Variants in TERB1 observed in about 807,000 individuals in gnomAD.
TERB1 encodes telomere repeats-binding bouquet formation protein 1.
TERB1 carries 63 observed loss-of-function variants against 92.3 expected under a neutral mutation model. The ratio of observed to expected loss-of-function variants is 0.68; its 90% CI spans 0.56 to 0.84. TERB1 has a LOEUF of 0.84. TERB1 is among the 40% of genes least tolerant of loss of function. TERB1 has a pLI of 0.00. For synonymous variants in TERB1, 252 were observed against 283.9 expected, an observed-to-expected ratio of 0.89 and a Z score of 1.13; for missense variants, 709 against 843.7, an observed-to-expected ratio of 0.84 and a Z score of 1.98.
intron 12 of TERB1, among the ~76,000 whole-genome samples, chr16:66,773,248 C>A (rs1350436228): frequency 6.6e-6 from 1 of 152,044 alleles, no homozygotes; most frequent in Non-Finnish European, 1.5e-5. Flanking sequence ...GCACAAGAAT[C>A]CCTCAAACCC....
chr16:66,790,567 T>C, intron 5 of TERB1, 28 bp downstream of exon 5: 4 of 1,468,076 alleles, frequency 2.7e-6, no homozygotes, highest in Non-Finnish European at 3.7e-6. Context: ...ATGCTTAAAG[T>C]ATAATGAAAT....
rs1408386899 is a variant in TERB1 at position 66,788,300 on chromosome 16, GAAATATA to G, written c.272-10_272-4del. ...ACACAAAGTCTGCTGACAGTAAACT[GAAATATA>G]AAATATAATTTTAATTTCAATGCAT... On this transcript the variant is annotated splice_polypyrimidine_tract_variant and splice_region_variant and intron_variant, in intron 5 of 18. Transcript: ENST00000433154. 1.4e-5 allele frequency: 21 copies of G among 1,473,130 alleles called. No individual in the cohort carries two copies. The highest frequency in any genetic ancestry group is 1.8e-5 in the Non-Finnish European group (20 of 1,117,646). The allele number at this position is 1,473,130 out of a possible 1,614,324, so 91.3% of individuals were successfully genotyped here.
Position 66,756,371 on chromosome 16 carries a change from T to C in TERB1, c.1997-1208A>G, listed in dbSNP as rs572666606. ...ATCAGTGTAAATGTCTGATTATTAC[T>C]TAATAGTATTATTTAGAATGTAAGC... On this transcript the variant is annotated intron_variant, in intron 18 of 18. Coordinates refer to ENST00000433154, the MANE Select transcript of TERB1 (RefSeq NM_001136505.2). 5.9e-5 allele frequency among the ~76,000 whole-genome samples: 9 copies of C among 152,350 alleles called. No homozygotes were observed. The South Asian group carries it at 1.9e-3, about 32-fold the overall frequency.
intron 9 of TERB1, among the ~76,000 whole-genome samples, chr16:66,781,198 G>A (rs1376900333): frequency 6.6e-6 from 1 of 152,014 alleles, no homozygotes; most frequent in Non-Finnish European, 1.5e-5. Flanking sequence ...ACTAAAACAG[G>A]TGCATGCCAC....
intron 10 of TERB1, among the ~76,000 whole-genome samples, chr16:66,777,853 C>A (rs980719820): frequency 1.3e-5 from 2 of 152,080 alleles, no homozygotes; most frequent in South Asian, 4.2e-4. Flanking sequence ...TCAAAAAGAC[C>A]ACCATTTTAA....
At chr16:66,766,390 T>C (rs923743561) in intron 16 of TERB1, among the ~76,000 whole-genome samples, 12 of 151,994 alleles carry the variant, frequency 7.9e-5, no homozygotes, top group Admixed American at 5.2e-4. Context: ...GAGCCGAATA[T>C]AGAGAACCTC....
In TERB1 at chr16:66,767,428, C is replaced by T. The variant is rs369618997; in HGVS notation, c.1767G>A (p.Thr589=). The T allele has an allele frequency of 4.1e-4, 617 of 1,521,788 alleles. 1 individual carries two copies. The highest frequency in any genetic ancestry group is 6.7e-4 in the Middle Eastern group (4 of 5,932). The allele number at this position is 1,521,788 out of a possible 1,614,324, so 94.3% of individuals were successfully genotyped here. The part of the protein sequence containing the change: ...LATPSCSEML[T]YRCSGCIAVE... ...AAAAATACTTACCTGAGCACCTATA[C>T]GTCAACATTTCGGAACAACTGGGAG... The change falls in exon 16 of 19, where the codon ACG becomes ACA. Residue 589 remains threonine, a synonymous_variant. Coordinates refer to ENST00000433154, the MANE Select transcript of TERB1 (RefSeq NM_001136505.2).
chr16:66,774,276 C>T (rs1336829614), intron 12 of TERB1, among the ~76,000 whole-genome samples: 1 of 149,172 alleles, frequency 6.7e-6, no homozygotes, highest in Non-Finnish European at 1.5e-5. Flanking sequence ...AGCTCTGCCT[C>T]CCGGGTTCAC....
Position 66,793,161 on chromosome 16 carries a change from G to A in TERB1, c.32-2142C>T, listed in dbSNP as rs2018864790. 2.0e-5 allele frequency among the ~76,000 whole-genome samples: 3 copies of A among 146,956 alleles called. No individual in the cohort carries two copies. In the South Asian group the frequency reaches 6.5e-4, roughly 32 times the overall value. ...GGAGCATACTAAGAGAAATTAAGAT[G>A]TATCATCAATCAATACAGTACTTAG... is the stretch of plus-strand genomic sequence containing the variant. On this transcript the variant is annotated intron_variant, in intron 3 of 18. Transcript: ENST00000433154.
chr16:66,777,972 T>C (rs1276170512), intron 10 of TERB1, among the ~76,000 whole-genome samples: 2 of 152,234 alleles, frequency 1.3e-5, no homozygotes, highest in Non-Finnish European at 2.9e-5. Flanking sequence ...TTAATCATTT[T>C]TGTACTTGTA....
chr16:66,784,915 G>C (rs1255490426), intron 9 of TERB1, among the ~76,000 whole-genome samples: 1 of 150,916 alleles, frequency 6.6e-6, no homozygotes, highest in African/African-American at 2.4e-5. Flanking sequence ...GTAGAGACAA[G>C]GTTTCACATG....
chr16:66,772,682 G>A lies in TERB1; in HGVS notation c.1179C>T (p.Asp393=). ...CAAGATTATTCTCCTTCACACTTAT[G>A]TCCTTTAATTGCTGTGTTTCATTTT... The part of the protein sequence containing the change: ...FDENETQQLK[D]ISVKENNLEE... Residue 393 remains aspartate (D), a synonymous_variant, in exon 13 of 19, where the codon GAC becomes GAT. Coordinates refer to ENST00000433154, the MANE Select transcript of TERB1 (RefSeq NM_001136505.2). 8 of 1,548,920 alleles carry A rather than the reference G, an allele frequency of 5.2e-6. No individual in the cohort carries two copies. The highest frequency in any genetic ancestry group is 2.4e-5 in the East Asian group (1 of 40,844).
intron 3 of TERB1, among the ~76,000 whole-genome samples, chr16:66,796,548 T>A (rs1056960226): frequency 2.6e-5 from 4 of 152,250 alleles, no homozygotes; most frequent in African/African-American, 9.6e-5. Context: ...ACACTGACAT[T>A]AAATCAACTA....
chr16:66,795,562 AAG>A (rs2018915516), intron 3 of TERB1, among the ~76,000 whole-genome samples: 1 of 152,272 alleles, frequency 6.6e-6, no homozygotes, highest in Non-Finnish European at 1.5e-5. Flanking sequence ...CTTAAAATGG[AAG>A]AGAGTGAGGT....
chr16:66,792,224 T>C (rs79307796), intron 3 of TERB1, among the ~76,000 whole-genome samples: 1 of 152,304 alleles, frequency 6.6e-6, no homozygotes, highest in Middle Eastern at 3.4e-3. Context: ...CGTGCATCCC[T>C]GATTAAAGAA....
At chr16:66,799,962 G>A (rs985260071) in intron 2 of TERB1, 1 of 152,036 alleles carries the variant, frequency 6.6e-6, no homozygotes, top group African/African-American at 2.4e-5. Context: ...CCACTTACAC[G>A]TTTCACTCAA....
At chr16:66,758,872 C>A (rs535011268) in intron 17 of TERB1, 34 bp from the exon 18 acceptor site, 1 of 1,356,896 alleles carries the variant, frequency 7.4e-7, no homozygotes, top group East Asian at 2.5e-5. Flanking sequence ...GCACATTTAG[C>A]GTATCAATCT....
intron 3 of TERB1, among the ~76,000 whole-genome samples, chr16:66,793,160 T>C (rs1200647423): frequency 1.3e-5 from 2 of 150,748 alleles, no homozygotes; most frequent in African/African-American, 4.9e-5. Flanking sequence ...GAAATTAAGA[T>C]GTATCATCAA....
At chr16:66,775,083 T>C (rs1370693650) in intron 12 of TERB1, 35 bp downstream of exon 12, 12 of 1,544,234 alleles carry the variant, frequency 7.8e-6, no homozygotes, top group Non-Finnish European at 9.6e-6. Flanking sequence ...TTATAAACTT[T>C]GGTTGGTATG....
Sources: gnomAD v4.1 joint callset for allele counts (sites outside exome capture counted in the v4.1 genomes callset) on GRCh38, gnomAD v4.1.1 for gene constraint, MANE v1.5 for transcripts, NCBI Gene and HGNC (gene_info 2026-07-23, HGNC 2026-07-21) for gene names.